NLGN1: variants seen among roughly 807,000 people sequenced by gnomAD.
NLGN1 encodes the protein neuroligin-1.
NLGN1 carries 12 observed loss-of-function variants against 65.5 expected under a neutral mutation model. The observed-to-expected ratio is 0.18, with a 90% CI of 0.12 to 0.30. NLGN1 has a LOEUF of 0.30. NLGN1 is among the 10% of genes least tolerant of loss of function. The pLI is 1.00. For synonymous variants in NLGN1, 350 were observed against 359.5 expected (o/e 0.97, Z 0.30); for missense variants, 750 against 1,007.1 (o/e 0.74, Z 3.46).
chr3:174,116,673 A>G (rs1413266922), intron 4 of NLGN1, among the ~76,000 whole-genome samples: 1 of 152,092 alleles, frequency 6.6e-6, no homozygotes, highest in African/African-American at 2.4e-5. Flanking sequence ...AGACTAAGAT[A>G]GCATTTGGAA....
intron 4 of NLGN1, among the ~76,000 whole-genome samples, chr3:173,826,832 G>T (rs531585302): frequency 6.6e-6 from 1 of 152,138 alleles, no homozygotes; most frequent in African/African-American, 2.4e-5. Flanking sequence ...TGCCTATGAG[G>T]TGCCAGGTCT....
In NLGN1 at chr3:174,280,926, T is replaced by C; in HGVS notation, c.2095T>C (p.Tyr699His). 1 of 1,613,298 alleles carries C rather than the reference T, an allele frequency of 6.2e-7. No individual in the cohort carries two copies. Among genetic ancestry groups the C allele is most frequent in the East Asian group, 2.2e-5 (1 of 44,816 alleles). ...CATCTTGGCCTTTGCAGCCCTGTAC[T>C]ACAAAAAGGATAAGAGGAGACATGA... Residue 699 changes from tyrosine (Y) to histidine (H), a missense_variant, in exon 7 of 7, where the codon TAC (tyrosine) becomes CAC (histidine). Transcript: ENST00000457714. The surrounding 1 kb of genome is among the most constrained non-coding windows in gnomAD (Gnocchi z 4.9).
chr3:173,432,905 T>C (rs996715570), intron 1 of NLGN1, among the ~76,000 whole-genome samples: 3 of 152,150 alleles, frequency 2.0e-5, no homozygotes, highest in Non-Finnish European at 2.9e-5. Context: ...CATTACTATG[T>C]GGGAACCACT....
chr3:173,556,360 C>A (rs1374125872), intron 2 of NLGN1, among the ~76,000 whole-genome samples: 1 of 152,168 alleles, frequency 6.6e-6, no homozygotes, highest in Non-Finnish European at 1.5e-5. Context: ...TCTCTAAGCA[C>A]TGCTTTAGCT....
intron 3 of NLGN1, among the ~76,000 whole-genome samples, chr3:173,686,054 A>G (rs1764640289): frequency 6.6e-6 from 1 of 152,120 alleles, no homozygotes; most frequent in African/African-American, 2.4e-5. Context: ...ACTATTTTTA[A>G]ATTTTAAAAC....
chr3:174,205,405 CCAAAT>C (rs1259742943), intron 4 of NLGN1, among the ~76,000 whole-genome samples: 1 of 152,048 alleles, frequency 6.6e-6, no homozygotes, highest in Non-Finnish European at 1.5e-5. Context: ...ATAAAACTCT[CCAAAT>C]GTAATATAAA....
At chr3:173,408,818 A>G (rs1278405748) in intron 1 of NLGN1, among the ~76,000 whole-genome samples, 2 of 151,738 alleles carry the variant, frequency 1.3e-5, no homozygotes, top group African/African-American at 4.8e-5. Context: ...AGGCTGAGGC[A>G]GGAGAATGGT....
At chr3:174,272,692 T>C (rs111865193) in intron 4 of NLGN1, among the ~76,000 whole-genome samples, 3,474 of 149,608 alleles carry the variant, frequency 0.023, 64 homozygotes, top group African/African-American at 0.045. Flanking sequence ...GATAGATAGA[T>C]AGATAGATAG....
intron 4 of NLGN1, among the ~76,000 whole-genome samples, chr3:174,077,921 A>G (rs1471207586): frequency 6.6e-6 from 1 of 152,184 alleles, no homozygotes; most frequent in Non-Finnish European, 1.5e-5. Flanking sequence ...AATGAAAACC[A>G]GAAAATTTCA....
At chr3:173,721,770 G>A (rs1470124165) in intron 3 of NLGN1, among the ~76,000 whole-genome samples, 1 of 152,086 alleles carries the variant, frequency 6.6e-6, no homozygotes, top group Non-Finnish European at 1.5e-5. Flanking sequence ...TACCATCTTT[G>A]CCGCATAGTA....
At chr3:173,831,805 C>T (rs751669482) in intron 4 of NLGN1, among the ~76,000 whole-genome samples, 2 of 152,066 alleles carry the variant, frequency 1.3e-5, no homozygotes, top group Non-Finnish European at 2.9e-5. Context: ...ATATACCATT[C>T]ATTATAATTC....
At chr3:173,746,295 A>C (rs1037135463) in intron 3 of NLGN1, among the ~76,000 whole-genome samples, 3 of 152,074 alleles carry the variant, frequency 2.0e-5, no homozygotes, top group African/African-American at 7.2e-5. Context: ...AAAAGTTAAA[A>C]AAATTTATCT....
chr3:173,729,255 A>T (rs984569424), intron 3 of NLGN1, among the ~76,000 whole-genome samples: 15 of 152,080 alleles, frequency 9.9e-5, no homozygotes, highest in African/African-American at 3.6e-4. Context: ...CAGCTTTAAA[A>T]TTCTCGAAAA....
intron 4 of NLGN1, among the ~76,000 whole-genome samples, chr3:173,846,528 G>T (rs1345019409): frequency 6.6e-6 from 1 of 152,158 alleles, no homozygotes; most frequent in East Asian, 1.9e-4. Flanking sequence ...TAAGCTGCAT[G>T]TTTCTTAATT....
intron 4 of NLGN1, among the ~76,000 whole-genome samples, chr3:173,853,953 A>T (rs930015287): frequency 6.6e-6 from 1 of 151,950 alleles, no homozygotes; most frequent in East Asian, 1.9e-4. Context: ...TATGCAATTG[A>T]TATATTCCCC....
intron 4 of NLGN1, among the ~76,000 whole-genome samples, chr3:174,163,467 T>TATAC (rs1726943555): frequency 6.6e-6 from 1 of 152,032 alleles, no homozygotes; most frequent in African/African-American, 2.4e-5. Flanking sequence ...CAGGGGTACA[T>TATAC]ATACATGTTT....
At chr3:174,190,511 C>T (rs1292173887) in intron 4 of NLGN1, among the ~76,000 whole-genome samples, 1 of 151,912 alleles carries the variant, frequency 6.6e-6, no homozygotes, top group Non-Finnish European at 1.5e-5. Flanking sequence ...AAATATTACA[C>T]TTATTGATAC....
chr3:173,715,038 C>T lies in NLGN1; in HGVS notation c.494-92642C>T, dbSNP rs533066432. Among the ~76,000 whole-genome samples the T allele has an allele frequency of 1.3e-4, 20 of 151,986 alleles. No homozygotes were observed. In the South Asian group the frequency reaches 1.5e-3, roughly 11 times the overall value. On this transcript the variant is annotated intron_variant, in intron 3 of 6. Coordinates refer to ENST00000457714, the Ensembl canonical transcript of NLGN1. Reference sequence around the variant, plus strand: ...CAGGAAGGCAACCGCTTTGGAGGTACGTACTGAAATTGTTAGAAAGTGGTT... The same window carrying T: ...CAGGAAGGCAACCGCTTTGGAGGTATGTACTGAAATTGTTAGAAAGTGGTT...
At chr3:173,930,724 G>T (rs1342409717) in intron 4 of NLGN1, among the ~76,000 whole-genome samples, 1 of 152,124 alleles carries the variant, frequency 6.6e-6, no homozygotes. Context: ...CATAATAAAA[G>T]AGAACACAGT....
Sources: allele counts gnomAD v4.1 joint callset (sites outside exome capture counted in the v4.1 genomes callset), GRCh38; gene constraint gnomAD v4.1.1; non-coding constraint Gnocchi (gnomAD v3.1); transcripts MANE v1.5; gene names NCBI Gene and HGNC (gene_info 2026-07-23, HGNC 2026-07-21).